CADPS2: variants seen among roughly 807,000 people sequenced by gnomAD.
CADPS2 encodes calcium dependent secretion activator 2.
In CADPS2, 93 loss-of-function variants were observed where a neutral mutation model predicts 172.5. The observed-to-expected ratio is 0.54, with a 90% CI of 0.46 to 0.64. The LOEUF is 0.64. Among genes scored for constraint, CADPS2 ranks in the 30% least tolerant of loss-of-function variants. The probability of loss-of-function intolerance (pLI) is 0.00; values close to 1 mark genes in which losing one functional copy is unlikely to be tolerated. For synonymous variants in CADPS2, 546 were observed against 555.2 expected, an observed-to-expected ratio of 0.98 and a Z score of 0.23; for missense variants, 1,420 against 1,565.9, an observed-to-expected ratio of 0.91 and a Z score of 1.57.
intron 1 of CADPS2, among the ~76,000 whole-genome samples, chr7:122,835,182 G>A (rs1159069956): frequency 2.6e-5 from 4 of 152,188 alleles, no homozygotes; most frequent in Non-Finnish European, 5.9e-5. Flanking sequence ...TGGGTCTGGA[G>A]TAGACCTTCC....
chr7:122,726,773 CAAAAA>C (rs35290526), intron 2 of CADPS2, among the ~76,000 whole-genome samples: 2 of 129,512 alleles, frequency 1.5e-5, no homozygotes, highest in African/African-American at 2.9e-5. Context: ...CTTCCTGATA[CAAAAA>C]AAAAAAAAAA....
intron 2 of CADPS2, chr7:122,698,703 T>C (rs775423221): frequency 1.2e-6 from 2 of 1,613,776 alleles, no homozygotes; most frequent in South Asian, 2.2e-5. Flanking sequence ...CTATAACTCC[T>C]GCCACTCTCT....
intron 9 of CADPS2, among the ~76,000 whole-genome samples, chr7:122,493,034 GAC>G (rs764625010): frequency 5.3e-5 from 8 of 152,060 alleles, no homozygotes; most frequent in Non-Finnish European, 1.2e-4. Flanking sequence ...AATTATGAAA[GAC>G]AGAGAAAATA....
intron 3 of CADPS2, among the ~76,000 whole-genome samples, chr7:122,636,975 A>G (rs973857552): frequency 6.6e-6 from 1 of 152,074 alleles, no homozygotes; most frequent in African/African-American, 2.4e-5. Flanking sequence ...TCTGTCAGGA[A>G]TGCCAATGAG....
At chr7:122,476,143 T>A (rs1212231855) in intron 12 of CADPS2, among the ~76,000 whole-genome samples, 3 of 152,098 alleles carry the variant, frequency 2.0e-5, no homozygotes. Flanking sequence ...TATCTTAGAA[T>A]ATTCATTTTT....
chr7:122,714,471 A>G lies in CADPS2; in HGVS notation c.453+22484T>C, dbSNP rs77505015. On this transcript the variant is annotated intron_variant, in intron 2 of 29. Transcript: ENST00000449022. ...AAACAACTTCTTTTAATGTTTTACT[A>G]TCATCATTTTTTTAAAAAAACAAAC... is the stretch of plus-strand genomic sequence containing the variant. Among the ~76,000 whole-genome samples the G allele has an allele frequency of 1.9e-3, 287 of 152,162 alleles. 1 individual carries two copies. Among genetic ancestry groups the G allele is most frequent in the Non-Finnish European group, 3.1e-3 (208 of 67,988 alleles).
At position 122,416,105 on chromosome 7, in the gene CADPS2, G is replaced by C. The variant is rs1351622165; in HGVS notation, c.2536C>G (p.Leu846Val). Reference protein sequence around the residue: ...KLEEILHLAELCIEVLQQNEE... With the variant: ...KLEEILHLAEVCIEVLQQNEE... ...TTCTGCTGTAAGACTTCTATGCAGAGCTCTGCCAGATGAAGAATCTCTTCC... is the reference window on the plus strand; with the variant it reads ...TTCTGCTGTAAGACTTCTATGCAGACCTCTGCCAGATGAAGAATCTCTTCC... Residue 846 changes from leucine to valine, a missense_variant, in exon 18 of 30, where the codon CTC becomes GTC. Transcript: ENST00000449022. The C allele has an allele frequency of 1.9e-6, 3 of 1,554,428 alleles. No homozygotes were observed. Among genetic ancestry groups the C allele is most frequent in the Non-Finnish European group, 2.6e-6 (3 of 1,145,704 alleles).
chr7:122,451,498 T>G, intron 14 of CADPS2, 23 bp from the exon 15 acceptor site: 1 of 1,338,104 alleles, frequency 7.5e-7, no homozygotes, highest in African/African-American at 1.5e-5. Context: ...TCAGAATCAA[T>G]AATTCATATT....
intron 27 of CADPS2, among the ~76,000 whole-genome samples, chr7:122,347,535 T>C (rs922838230): frequency 1.2e-4 from 19 of 152,266 alleles, no homozygotes; most frequent in African/African-American, 4.6e-4. Flanking sequence ...ACAACAACAT[T>C]AGCTGTAACT....
At chr7:122,831,389 A>G (rs1806507861) in intron 1 of CADPS2, among the ~76,000 whole-genome samples, 1 of 152,262 alleles carries the variant, frequency 6.6e-6, no homozygotes, top group Admixed American at 6.5e-5. Context: ...AAAACATTCT[A>G]GTCTTCAAAA....
At chr7:122,545,659 A>G (rs1418202656) in intron 8 of CADPS2, among the ~76,000 whole-genome samples, 3 of 152,156 alleles carry the variant, frequency 2.0e-5, no homozygotes, top group Non-Finnish European at 4.4e-5. Context: ...TGGAGACTGA[A>G]TTAGGGTTGG....
At chr7:122,793,678 A>T (rs754634243) in intron 1 of CADPS2, among the ~76,000 whole-genome samples, 6 of 152,116 alleles carry the variant, frequency 3.9e-5, no homozygotes, top group Non-Finnish European at 7.4e-5. Context: ...TCATGATGTT[A>T]GCTGGTTATT....
Position 122,373,858 on chromosome 7 carries a change from CA to C in CADPS2, c.3387+5509del, listed in dbSNP as rs199525196. Among the ~76,000 whole-genome samples, 208 of 151,466 alleles carry C rather than the reference CA, an allele frequency of 1.4e-3. 1 individual carries two copies. Among genetic ancestry groups the C allele is most frequent in the African/African-American group, 4.8e-3 (199 of 41,310 alleles). On this transcript the variant is annotated intron_variant, in intron 25 of 29. Coordinates refer to ENST00000449022, the MANE Select transcript of CADPS2 (RefSeq NM_017954.11). ...AATGCCAATTCTCTTTAAACACTAC[CA>C]AAAAAAACCCCAAAAAACAGAAGAG...
At chr7:122,814,287 A>C (rs1281887557) in intron 1 of CADPS2, among the ~76,000 whole-genome samples, 2 of 152,058 alleles carry the variant, frequency 1.3e-5, no homozygotes, top group African/African-American at 4.8e-5. Context: ...CAGACCACTT[A>C]AGCAAAATGA....
rs1173560946 is a variant in CADPS2 at position 122,760,769 on chromosome 7, G to GTT, written c.340-23702_340-23701insAA. Among the ~76,000 whole-genome samples the GTT allele has an allele frequency of 2.9e-5, 4 of 138,102 alleles. No individual in the cohort carries two copies. The South Asian group carries it at 6.8e-4, about 24-fold the overall frequency. 90.6% of individuals were successfully genotyped at this position (138,102 alleles called of 152,430 possible). A position where few individuals can be genotyped will look rare whatever the true frequency, so the allele number is the denominator to read the frequency against. ...TAGGTGGGAATTGAACAATGAGAAT[G>GTT]CATGGATACAGGAAGGGGAACATCA... On this transcript the variant is annotated intron_variant, in intron 1 of 29. Coordinates refer to ENST00000449022, the MANE Select transcript of CADPS2 (RefSeq NM_017954.11).
chr7:122,587,114 TTTTTA>T (rs1270047857), intron 6 of CADPS2, among the ~76,000 whole-genome samples: 6 of 151,950 alleles, frequency 3.9e-5, no homozygotes, highest in Admixed American at 2.0e-4. Flanking sequence ...TTTTTTTACT[TTTTTA>T]TTTTTAGTTC....
chr7:122,876,254 A>G (rs953435115), intron 1 of CADPS2, among the ~76,000 whole-genome samples: 8 of 152,208 alleles, frequency 5.3e-5, no homozygotes, highest in Non-Finnish European at 8.8e-5. Context: ...TGGGAAGCAG[A>G]GGTTGCAGTG....
chr7:122,840,541 T>G (rs2140911580), intron 1 of CADPS2, among the ~76,000 whole-genome samples: 1 of 114,312 alleles, frequency 8.7e-6, no homozygotes, highest in Non-Finnish European at 1.7e-5. Context: ...AAACACTTTC[T>G]ATTTTTAAAT....
At chr7:122,500,852 G>A (rs1489807912) in intron 9 of CADPS2, among the ~76,000 whole-genome samples, 1 of 151,988 alleles carries the variant, frequency 6.6e-6, no homozygotes, top group East Asian at 1.9e-4. Flanking sequence ...ATTAGTACTT[G>A]GAGAAAAAGG....
Sources: allele counts gnomAD v4.1 joint callset (sites outside exome capture counted in the v4.1 genomes callset), GRCh38; gene constraint gnomAD v4.1.1; transcripts MANE v1.5; gene names NCBI Gene and HGNC (gene_info 2026-07-23, HGNC 2026-07-21).